SULT1C4: variants seen among roughly 807,000 people sequenced by gnomAD.
SULT1C4 encodes the protein sulfotransferase 1C4.
Under a neutral mutation model 34.8 loss-of-function variants are expected in SULT1C4, and 32 were observed. The ratio of observed to expected loss-of-function variants is 0.92; its 90% CI spans 0.69 to 1.23. SULT1C4 has a LOEUF of 1.23. SULT1C4 is among the 50% of genes most tolerant of loss of function. SULT1C4 has a pLI of 0.00. For synonymous variants in SULT1C4, 111 were observed against 120.5 expected, an observed-to-expected ratio of 0.92 and a Z score of 0.51; for missense variants, 375 against 365.9, an observed-to-expected ratio of 1.02 and a Z score of -0.20.
chr2:108,381,818 A>C lies in SULT1C4; in HGVS notation c.226A>C (p.Lys76Gln). Reference protein sequence around the residue: ...ELIQNEGDVEKSKRAPTHQRF... With the variant: ...ELIQNEGDVEQSKRAPTHQRF... ...AATACAAAATGAAGGTGATGTGGAG[A>C]AAAGTAAACGGGCACCGACTCATCA... Residue 76 changes from lysine to glutamine, a missense_variant, in exon 2 of 7, where the codon AAA becomes CAA. Physicochemically the swap from Lys to Gln is moderately conservative, Grantham distance 53 (BLOSUM62 1). Transcript: ENST00000272452. The C allele has an allele frequency of 6.7e-7, 1 of 1,500,300 alleles. No individual in the cohort carries two copies. Among genetic ancestry groups the C allele is most frequent in the Non-Finnish European group, 8.9e-7 (1 of 1,129,244 alleles). 92.9% of individuals were successfully genotyped at this position (1,500,300 alleles called of 1,614,324 possible).
rs1678408866 is a variant in SULT1C4 at position 108,381,872 on chromosome 2, C to A, written c.280C>A (p.Pro94Thr). ...ATTTCCTTTCCTCGAAATGAAAATC[C>A]CATCCTTAGGATCTGGTGAGTATAA... is the stretch of plus-strand genomic sequence containing the variant. Reference protein sequence around the residue: ...QRFPFLEMKIPSLGSGLEQAH... With the variant: ...QRFPFLEMKITSLGSGLEQAH... Residue 94 changes from proline to threonine, a missense_variant, in exon 2 of 7, where the codon CCA becomes ACA. By Grantham distance (38) the Pro-to-Thr change is conservative. Transcript: ENST00000272452. 1.3e-6 allele frequency: 2 copies of A among 1,484,668 alleles called. No homozygotes were observed. The highest frequency in any genetic ancestry group is 1.5e-5 in the African/African-American group (1 of 68,632). 92.0% of individuals were successfully genotyped at this position (1,484,668 alleles called of 1,614,324 possible).
At position 108,383,507 on chromosome 2, in the gene SULT1C4, G is replaced by A; in HGVS notation, c.612G>A (p.Lys204=). The part of the protein sequence containing the change: ...RILYLFYEDM[K]KNPKHEIQKL... ...TCTATCTCTTCTATGAGGACATGAA[G>A]AAGGTGAGCACAGTGCCATCTAAGG... Residue 204 remains lysine (K), a synonymous_variant, in exon 5 of 7, where the codon AAG becomes AAA. Transcript: ENST00000272452. 1 of 1,613,960 alleles carries A rather than the reference G, an allele frequency of 6.2e-7. No individual in the cohort carries two copies. The highest frequency in any genetic ancestry group is 8.5e-7 in the Non-Finnish European group (1 of 1,179,868).
chr2:108,381,115 T>C (rs1649639233), intron 1 of SULT1C4, among the ~76,000 whole-genome samples: 2 of 152,174 alleles, frequency 1.3e-5, no homozygotes, highest in African/African-American at 4.8e-5. Context: ...CATTTCTCTA[T>C]AGCAGATCAC....
intron 2 of SULT1C4, 27 bp from the exon 3 acceptor site, chr2:108,382,352 ATCGTAG>A (rs1573295245): frequency 6.4e-7 from 1 of 1,566,378 alleles, no homozygotes; most frequent in South Asian, 1.1e-5. Flanking sequence ...TAAAAAAAAA[ATCGTAG>A]AAATTGATCG....
At chr2:108,383,308 C>CT (rs1491090203) in intron 4 of SULT1C4, 89 bp downstream of exon 4, 1 of 1,588,870 alleles carries the variant, frequency 6.3e-7, no homozygotes, top group South Asian at 1.2e-5. Context: ...CCAGCAGGGG[C>CT]TCTGCCTTCT....
chr2:108,382,759 A>G lies in SULT1C4; in HGVS notation c.393+277A>G, dbSNP rs2104344128. 7.4e-6 allele frequency: 3 copies of G among 407,426 alleles called. No homozygotes were observed. The East Asian group carries it at 1.4e-4, about 20-fold the overall frequency. The allele number at this position is 407,426 out of a possible 1,614,324, so 25.2% of individuals were successfully genotyped here. A position where few individuals can be genotyped will look rare whatever the true frequency, so the allele number is the denominator to read the frequency against. On this transcript the variant is annotated intron_variant, in intron 3 of 6. Transcript: ENST00000272452. Reference sequence around the variant, plus strand: ...TCTCTACCAAAAACACAAAATTCACAGGACGTGGTGACACATGCCTGTAAT... The same window carrying G: ...TCTCTACCAAAAACACAAAATTCACGGGACGTGGTGACACATGCCTGTAAT...
intron 5 of SULT1C4, among the ~76,000 whole-genome samples, chr2:108,384,670 GATA>G (rs1384031394): frequency 2.0e-5 from 3 of 152,180 alleles, no homozygotes; most frequent in East Asian, 1.9e-4. Context: ...TAAAAATGAA[GATA>G]ATAATATTTA....
intron 1 of SULT1C4, among the ~76,000 whole-genome samples, chr2:108,381,352 A>G (rs75532862): frequency 6.6e-6 from 1 of 152,152 alleles, no homozygotes; most frequent in African/African-American, 2.4e-5. Flanking sequence ...ATTCACATAG[A>G]TGGTCCAGGC....
rs1437783948 is a variant in SULT1C4, at chr2:108,382,460, C to G, written c.371C>G (p.Ser124Cys). Reference sequence around the variant, plus strand: ...CTTCCCTTTCACTTGCTGCCACCATCCTTGCTAGAGAAAAACTGTAAGGTA... The same window carrying G: ...CTTCCCTTTCACTTGCTGCCACCATGCTTGCTAGAGAAAAACTGTAAGGTA... ...THLPFHLLPP[S>C]LLEKNCKIIY... The change falls in exon 3 of 7, where the codon TCC becomes TGC. Residue 124 changes from serine (S) to cysteine (C), a missense_variant. Physicochemically the swap from Ser to Cys is moderately radical, Grantham distance 112. Coordinates refer to ENST00000272452, the MANE Select transcript of SULT1C4 (RefSeq NM_006588.4). The G allele has an allele frequency of 6.2e-7, 1 of 1,613,966 alleles. No homozygotes were observed. The highest frequency in any genetic ancestry group is 1.3e-5 in the African/African-American group (1 of 74,890).
Position 108,378,404 on chromosome 2 carries a change from A to T in SULT1C4, c.67A>T (p.Lys23Ter), listed in dbSNP as rs1250380723. Reference sequence around the variant, plus strand: ...AAAGCGCTTAAGTGTCAACTACGTGAAGGGAATTCTTCAACCGACAGACAC... The same window carrying T: ...AAAGCGCTTAAGTGTCAACTACGTGTAGGGAATTCTTCAACCGACAGACAC... The part of the protein sequence containing the change: ...GTKRLSVNYV[K>*]GILQPTDTCD... Residue 23 changes from lysine to a stop codon, truncating the protein, a stop_gained, in exon 1 of 7, where the codon AAG (lysine) becomes TAG (stop). Coordinates refer to ENST00000272452, the MANE Select transcript of SULT1C4 (RefSeq NM_006588.4). LOFTEE classifies it high-confidence loss of function. The T allele has an allele frequency of 2.5e-6, 4 of 1,614,082 alleles. No individual in the cohort carries two copies. The African/African-American group carries it at 5.3e-5, about 22-fold the overall frequency.
At chr2:108,387,110 G>A in intron 6 of SULT1C4, among the ~76,000 whole-genome samples, 1 of 152,202 alleles carries the variant, frequency 6.6e-6, no homozygotes, top group East Asian at 1.9e-4. Context: ...ATGCAACCAG[G>A]TGGCAAGAGA....
chr2:108,384,974 A>C (rs1678532325), intron 5 of SULT1C4, among the ~76,000 whole-genome samples: 1 of 152,240 alleles, frequency 6.6e-6, no homozygotes. Flanking sequence ...TCTAAGGTTC[A>C]ATCACTGCTG....
intron 3 of SULT1C4, 114 bp from the exon 4 acceptor site, chr2:108,382,978 AC>A: frequency 4.7e-6 from 5 of 1,059,716 alleles, no homozygotes; most frequent in Non-Finnish European, 6.2e-6. Flanking sequence ...GAAAAAATGA[AC>A]TGTATGAAAT....
Position 108,387,519 on chromosome 2 carries a change from C to A in SULT1C4, c.*87C>A. ...GTTTAATTCTCATAACAAATGATAT[C>A]AGATTCCAGTTATCAGAATAGTTTA... On this transcript the variant is annotated 3_prime_UTR_variant, in exon 7 of 7. Coordinates refer to ENST00000272452, the MANE Select transcript of SULT1C4 (RefSeq NM_006588.4). The A allele has an allele frequency of 2.4e-6, 2 of 826,996 alleles. No individual in the cohort carries two copies. Among genetic ancestry groups the A allele is most frequent in the Non-Finnish European group, 3.8e-6 (2 of 521,738 alleles). 51.2% of individuals were successfully genotyped at this position (826,996 alleles called of 1,614,324 possible). A position where few individuals can be genotyped will look rare whatever the true frequency, so the allele number is the denominator to read the frequency against.
chr2:108,381,813 T>G lies in SULT1C4; in HGVS notation c.221T>G (p.Val74Gly). The change falls in exon 2 of 7, where the codon GTG becomes GGG. Residue 74 changes from valine (V) to glycine (G), a missense_variant. Physicochemically the swap from Val to Gly is moderately radical, Grantham distance 109. Coordinates refer to ENST00000272452, the MANE Select transcript of SULT1C4 (RefSeq NM_006588.4). ...GAATTAATACAAAATGAAGGTGATG[T>G]GGAGAAAAGTAAACGGGCACCGACT... The part of the protein sequence containing the change: ...IVELIQNEGD[V>G]EKSKRAPTHQ... 6.7e-7 allele frequency: 1 copy of G among 1,496,488 alleles called. No homozygotes were observed. 92.7% of individuals were successfully genotyped at this position (1,496,488 alleles called of 1,614,324 possible).
intron 4 of SULT1C4, 89 bp downstream of exon 4, chr2:108,383,308 C>G (rs1173943808): frequency 6.3e-7 from 1 of 1,588,752 alleles, no homozygotes; most frequent in African/African-American, 1.4e-5. Context: ...CCAGCAGGGG[C>G]TCTGCCTTCT....
intron 5 of SULT1C4, among the ~76,000 whole-genome samples, chr2:108,384,233 T>TTTATTTATTTTA (rs1271962051): frequency 6.5e-5 from 9 of 139,416 alleles, no homozygotes; most frequent in African/African-American, 2.6e-4. Context: ...TATTTATTTA[T>TTTATTTATTTTA]TTTATTTATT....
chr2:108,382,228 C>G, intron 2 of SULT1C4, 157 bp from the exon 3 acceptor site: 1 of 689,008 alleles, frequency 1.5e-6, no homozygotes, highest in Non-Finnish European at 2.6e-6. Context: ...GTCAAAACAT[C>G]TATTCATAGG....
chr2:108,378,675 G>T (rs1678309623), intron 1 of SULT1C4, among the ~76,000 whole-genome samples, 169 bp downstream of exon 1: 1 of 150,790 alleles, frequency 6.6e-6, no homozygotes, highest in Non-Finnish European at 1.5e-5. Flanking sequence ...ATACTAAAAT[G>T]ACATACAAAT....
Sources: allele counts gnomAD v4.1 joint callset (sites outside exome capture counted in the v4.1 genomes callset), GRCh38; gene constraint gnomAD v4.1.1; transcripts MANE v1.5; gene names NCBI Gene and HGNC (gene_info 2026-07-23, HGNC 2026-07-21).